NCOA7: variants seen among roughly 807,000 people sequenced by gnomAD.
The protein encoded by NCOA7 is nuclear receptor coactivator 7.
NCOA7 carries 45 observed loss-of-function variants against 104.3 expected under a neutral mutation model. The ratio of observed to expected loss-of-function variants is 0.43; its 90% CI spans 0.34 to 0.55. NCOA7 has a LOEUF of 0.55. Among genes scored for constraint, NCOA7 ranks in the 20% least tolerant of loss-of-function variants. The pLI is 0.02. For synonymous variants in NCOA7, 398 were observed against 402.3 expected (o/e 0.99, Z 0.13); for missense variants, 1,041 against 1,119.7 (o/e 0.93, Z 1.00).
Position 125,882,438 on chromosome 6 carries a change from G to A in NCOA7, c.586G>A (p.Ala196Thr). Residue 196 changes from alanine (A) to threonine (T), a missense_variant, in exon 7 of 16, where the codon GCA becomes ACA. This residue lies in a region of NCOA7 where 914 missense variants were observed against 942.7 expected (regional missense o/e 0.97). Coordinates refer to ENST00000392477, the MANE Select transcript of NCOA7 (RefSeq NM_181782.5). ...EYDKLPDADL[A>T]RKALKPIERV... The stretch of plus-strand genomic sequence containing the variant: ...TTGCTTTCACAAGGATGCTGACTTA[G>A]CACGAAAGGCCTTGAAACCCATTGA... 6.2e-7 allele frequency: 1 copy of A among 1,612,816 alleles called. No homozygotes were observed. Among genetic ancestry groups the A allele is most frequent in the Non-Finnish European group, 8.5e-7 (1 of 1,179,636 alleles).
chr6:125,816,870 A>G (rs547913682), intron 2 of NCOA7, among the ~76,000 whole-genome samples: 1 of 152,304 alleles, frequency 6.6e-6, no homozygotes, highest in African/African-American at 2.4e-5. Context: ...CCATCAGTCA[A>G]GATACAGAAC....
chr6:125,880,719 A>G (rs1233497655), intron 5 of NCOA7, among the ~76,000 whole-genome samples: 1 of 151,858 alleles, frequency 6.6e-6, no homozygotes, highest in East Asian at 1.9e-4. Context: ...TTTAGTAAAG[A>G]CAAGGTTTCA....
At chr6:125,915,893 T>C (rs1787027980) in intron 11 of NCOA7, among the ~76,000 whole-genome samples, 1 of 152,238 alleles carries the variant, frequency 6.6e-6, no homozygotes, top group Non-Finnish European at 1.5e-5. Flanking sequence ...GTGTTTCATT[T>C]CACATAGTTA....
At chr6:125,846,214 C>T (rs1484632535) in intron 2 of NCOA7, among the ~76,000 whole-genome samples, 2 of 151,850 alleles carry the variant, frequency 1.3e-5, no homozygotes, top group Non-Finnish European at 2.9e-5. Flanking sequence ...GAGGAATGGG[C>T]TTCTGACTGT....
At chr6:125,831,340 A>G (rs914737841) in intron 2 of NCOA7, among the ~76,000 whole-genome samples, 2 of 152,228 alleles carry the variant, frequency 1.3e-5, no homozygotes, top group African/African-American at 4.8e-5. Context: ...GTGTACCTAT[A>G]GTGGTTCCTA....
At chr6:125,859,995 C>A (rs1781902968) in intron 3 of NCOA7, among the ~76,000 whole-genome samples, 2 of 152,106 alleles carry the variant, frequency 1.3e-5, no homozygotes, top group South Asian at 4.1e-4. Context: ...AGAAAGGAAG[C>A]AGAGTGATTA....
chr6:125,787,269 T>G (rs79410934), upstream of NCOA7, among the ~76,000 whole-genome samples: 20 of 152,346 alleles, frequency 1.3e-4, no homozygotes, highest in East Asian at 3.9e-3. Flanking sequence ...TAGTGTTGTA[T>G]TCAAAAACAG....
chr6:125,814,560 C>T (rs1777401785), intron 1 of NCOA7, among the ~76,000 whole-genome samples: 2 of 152,190 alleles, frequency 1.3e-5, no homozygotes, highest in Non-Finnish European at 2.9e-5. Context: ...TGGTGAATCA[C>T]TGAATAAGTA....
At chr6:125,813,537 C>T (rs1353824959) in intron 1 of NCOA7, among the ~76,000 whole-genome samples, 3 of 151,520 alleles carry the variant, frequency 2.0e-5, no homozygotes, top group South Asian at 2.1e-4. Context: ...CTGCAACCTC[C>T]GCCTCCCAGG....
chr6:125,851,732 T>G (rs1452571223), intron 2 of NCOA7, among the ~76,000 whole-genome samples: 2 of 152,236 alleles, frequency 1.3e-5, no homozygotes, highest in Non-Finnish European at 2.9e-5. Context: ...TGTTCCCTTT[T>G]CACCACATCC....
chr6:125,907,497 T>G (rs1273359329), intron 10 of NCOA7, among the ~76,000 whole-genome samples: 1 of 152,222 alleles, frequency 6.6e-6, no homozygotes, highest in African/African-American at 2.4e-5. Context: ...TAACAGGGAC[T>G]GAGCTGCATG....
intron 3 of NCOA7, 70 bp downstream of exon 3, chr6:125,855,310 T>C: frequency 8.3e-7 from 1 of 1,208,938 alleles, no homozygotes. Context: ...AAGACTATCA[T>C]TTGTGATTGA....
chr6:125,870,261 T>C (rs1375477070), intron 3 of NCOA7, among the ~76,000 whole-genome samples: 1 of 152,206 alleles, frequency 6.6e-6, no homozygotes, highest in African/African-American at 2.4e-5. Flanking sequence ...TACATTTTAG[T>C]AGATGACCTT....
At chr6:125,892,012 T>C (rs1784655638) in intron 10 of NCOA7, among the ~76,000 whole-genome samples, 1 of 152,236 alleles carries the variant, frequency 6.6e-6, no homozygotes, top group South Asian at 2.1e-4. Flanking sequence ...TCTGAAGCTC[T>C]GTTAAAATTG....
At chr6:125,845,384 T>C (rs1412436498) in intron 2 of NCOA7, among the ~76,000 whole-genome samples, 1 of 152,220 alleles carries the variant, frequency 6.6e-6, no homozygotes, top group South Asian at 2.1e-4. Context: ...TAGCTGCAGA[T>C]ATTTAATTTT....
At chr6:125,814,664 T>C (rs1221419529) in intron 1 of NCOA7, among the ~76,000 whole-genome samples, 1 of 152,068 alleles carries the variant, frequency 6.6e-6, no homozygotes, top group African/African-American at 2.4e-5. Flanking sequence ...TATTATAGGC[T>C]TAAGCCACTG....
chr6:125,868,174 A>G (rs1205792862), intron 3 of NCOA7, among the ~76,000 whole-genome samples: 2 of 152,156 alleles, frequency 1.3e-5, no homozygotes, highest in Admixed American at 1.3e-4. Flanking sequence ...TAATTCGTCA[A>G]ATGCTTTTTT....
intron 1 of NCOA7, among the ~76,000 whole-genome samples, chr6:125,791,305 G>C (rs1301686065): frequency 3.9e-5 from 6 of 152,248 alleles, no homozygotes; most frequent in Non-Finnish European, 7.3e-5. Flanking sequence ...CCCACCCCTT[G>C]GGGGGCTCGT....
At chr6:125,823,089 A>G (rs2128582325) in intron 2 of NCOA7, among the ~76,000 whole-genome samples, 1 of 152,272 alleles carries the variant, frequency 6.6e-6, no homozygotes, top group African/African-American at 2.4e-5. Context: ...TCCACCTGAG[A>G]TGAAGCGATC....
Sources: allele counts gnomAD v4.1 joint callset (sites outside exome capture counted in the v4.1 genomes callset), GRCh38; gene constraint gnomAD v4.1.1; regional missense constraint gnomAD v4.1.1; transcripts MANE v1.5; gene names NCBI Gene and HGNC (gene_info 2026-07-23, HGNC 2026-07-21).